The following WDPCP variants were observed in gnomAD, a reference collection of about 807,000 sequenced individuals.
WDPCP encodes the protein WD repeat-containing and planar cell polarity effector protein fritz homolog.
WDPCP carries 71 observed loss-of-function variants against 93.1 expected under a neutral mutation model. That is an observed-to-expected ratio of 0.76 (90% CI 0.63 to 0.93). WDPCP has a LOEUF of 0.93. Among genes scored for constraint, WDPCP ranks in the 40% least tolerant of loss-of-function variants. WDPCP has a pLI of 0.00. For missense variants in WDPCP, 844 were observed against 887.4 expected (o/e 0.95, Z 0.62); for synonymous variants, 315 against 315.0 (o/e 1.00, Z 0.00).
chr2:63,709,972 C>A (rs976044759), intron 2 of WDPCP, among the ~76,000 whole-genome samples: 4 of 152,094 alleles, frequency 2.6e-5, no homozygotes, highest in African/African-American at 9.7e-5. Context: ...TTGTAGTATC[C>A]TTACACTAAC....
chr2:63,607,349 G>A (rs1173678317), intron 3 of WDPCP, among the ~76,000 whole-genome samples: 1 of 151,846 alleles, frequency 6.6e-6, no homozygotes, highest in Non-Finnish European at 1.5e-5. Context: ...ACCAGCCTGG[G>A]CAAATAGTGA....
intron 14 of WDPCP, among the ~76,000 whole-genome samples, chr2:63,219,584 T>C (rs750119333): frequency 1.3e-5 from 2 of 152,250 alleles, no homozygotes; most frequent in South Asian, 2.1e-4. Context: ...TTAACAAAAT[T>C]GTTAAAACTT....
chr2:63,619,894 T>C (rs1044838736), intron 3 of WDPCP, among the ~76,000 whole-genome samples: 1 of 152,114 alleles, frequency 6.6e-6, no homozygotes, highest in African/African-American at 2.4e-5. Flanking sequence ...GAGTGGGACA[T>C]TGCCTCACCT....
Position 63,633,972 on chromosome 2 carries a change from G to C in WDPCP, n.488+16687C>G, listed in dbSNP as rs1242577081. ...AGCTACTCACGAGGGTGAGGAAGGA[G>C]AATCACTTGAACCTGGGAGGTGGAG... On this transcript the variant is annotated intron_variant and non_coding_transcript_variant, in intron 3 of 4. Transcript: ENST00000467687. 2.0e-5 allele frequency among the ~76,000 whole-genome samples: 3 copies of C among 152,136 alleles called. No individual in the cohort carries two copies. The East Asian group carries it at 5.8e-4, about 29-fold the overall frequency.
chr2:63,606,046 T>C (rs376732244), intron 3 of WDPCP: 5 of 1,597,952 alleles, frequency 3.1e-6, no homozygotes, highest in Non-Finnish European at 4.3e-6. Flanking sequence ...ATTTTGGAGC[T>C]ATTTCCCTTC....
chr2:63,697,480 C>T (rs1409677366), intron 2 of WDPCP, among the ~76,000 whole-genome samples: 1 of 152,010 alleles, frequency 6.6e-6, no homozygotes, highest in African/African-American at 2.4e-5. Context: ...AAGTGTGATT[C>T]CAATTCCGTA....
intron 6 of WDPCP, among the ~76,000 whole-genome samples, chr2:63,481,857 C>T (rs1700283380): frequency 6.6e-6 from 1 of 151,070 alleles, no homozygotes; most frequent in African/African-American, 2.4e-5. Flanking sequence ...ATTCATGTAA[C>T]CAAACACCAC....
intron 17 of WDPCP, among the ~76,000 whole-genome samples, chr2:63,142,540 C>T (rs577692187): frequency 2.0e-5 from 3 of 152,144 alleles, no homozygotes; most frequent in African/African-American, 7.2e-5. Flanking sequence ...TATTGAGGGT[C>T]GTTTTATGGG....
chr2:63,633,254 A>T (rs1179015346), intron 3 of WDPCP, among the ~76,000 whole-genome samples: 1 of 152,238 alleles, frequency 6.6e-6, no homozygotes, highest in Admixed American at 6.5e-5. Context: ...ATGAAAAGAC[A>T]CTAATAGAAA....
intron 1 of WDPCP, among the ~76,000 whole-genome samples, chr2:63,546,204 C>T (rs1055662118): frequency 1.3e-5 from 2 of 152,118 alleles, no homozygotes; most frequent in Admixed American, 1.3e-4. Context: ...CATTACTGTT[C>T]CGCCTAAAGA....
At chr2:63,265,086 T>C (rs1041976106) in intron 13 of WDPCP, among the ~76,000 whole-genome samples, 9 of 152,076 alleles carry the variant, frequency 5.9e-5, no homozygotes, top group African/African-American at 2.2e-4. Context: ...AAAAAGTGCC[T>C]ACTTCAGAAA....
intron 6 of WDPCP, among the ~76,000 whole-genome samples, chr2:63,447,108 G>GC (rs1697917328): frequency 6.6e-6 from 1 of 152,048 alleles, no homozygotes; most frequent in Non-Finnish European, 1.5e-5. Context: ...CTTGTTGAAG[G>GC]TGGGGGGAGG....
intron 3 of WDPCP, among the ~76,000 whole-genome samples, chr2:63,612,087 A>T (rs1023360416): frequency 6.6e-6 from 1 of 152,206 alleles, no homozygotes; most frequent in Admixed American, 6.5e-5. Flanking sequence ...CCCTAGTCCA[A>T]TCCAGACTTG....
At chr2:63,830,519 A>G (rs377679280), upstream of WDPCP, among the ~76,000 whole-genome samples, 1 of 152,262 alleles carries the variant, frequency 6.6e-6, no homozygotes, top group South Asian at 2.1e-4. Flanking sequence ...TGCTGTTTGA[A>G]TAATCTAATA....
At chr2:63,537,394 A>G (rs1178691372) in intron 1 of WDPCP, among the ~76,000 whole-genome samples, 1 of 152,202 alleles carries the variant, frequency 6.6e-6, no homozygotes, top group African/African-American at 2.4e-5. Flanking sequence ...CATTGTTGCC[A>G]GGGCAATTTT....
chr2:63,455,439 T>TATATATATATATAC (rs1463902775), intron 6 of WDPCP, among the ~76,000 whole-genome samples: 1 of 112,180 alleles, frequency 8.9e-6, no homozygotes, highest in Non-Finnish European at 2.1e-5. Flanking sequence ...TATATATATA[T>TATATATATATATAC]ACACACACAC....
In WDPCP at chr2:63,253,041, A is replaced by T. The variant is rs185535481; in HGVS notation, c.1915+6266T>A. 8.2e-3 allele frequency among the ~76,000 whole-genome samples: 1,243 copies of T among 152,302 alleles called. 51 individuals carry two copies. The highest frequency in any genetic ancestry group is 0.065 in the Admixed American group (989 of 15,276). ...ACTACAAGTCTGCAGTAACCAAAACAACATAGTAGTAGTACAAAAACAGAC... is the reference window on the plus strand; with the variant it reads ...ACTACAAGTCTGCAGTAACCAAAACTACATAGTAGTAGTACAAAAACAGAC... On this transcript the variant is annotated intron_variant, in intron 14 of 17. Coordinates refer to ENST00000272321, the MANE Select transcript of WDPCP (RefSeq NM_015910.7).
chr2:63,166,354 C>G (rs1214342224), intron 15 of WDPCP, among the ~76,000 whole-genome samples: 1 of 151,874 alleles, frequency 6.6e-6, no homozygotes, highest in Admixed American at 6.6e-5. Context: ...CATGAGCCAC[C>G]GTGCCTGGCT....
intron 9 of WDPCP, among the ~76,000 whole-genome samples, chr2:63,405,217 G>A (rs1055616907): frequency 6.6e-6 from 1 of 151,996 alleles, no homozygotes; most frequent in Non-Finnish European, 1.5e-5. Context: ...TTAGAAACCT[G>A]TTAACAATCT....
Sources: gnomAD v4.1 joint callset for allele counts (sites outside exome capture counted in the v4.1 genomes callset) on GRCh38, gnomAD v4.1.1 for gene constraint, MANE v1.5 for transcripts, NCBI Gene and HGNC (gene_info 2026-07-23, HGNC 2026-07-21) for gene names.